PTPRM: variants seen among roughly 807,000 people sequenced by gnomAD.
The protein encoded by PTPRM is protein tyrosine phosphatase receptor type M, also known as receptor-type tyrosine-protein phosphatase mu.
PTPRM carries 47 observed loss-of-function variants against 186.7 expected under a neutral mutation model. That is an observed-to-expected ratio of 0.25 (90% confidence interval 0.20 to 0.32). PTPRM has a LOEUF of 0.32. PTPRM is among the 10% of genes least tolerant of loss of function. PTPRM has a pLI of 1.00. For synonymous variants in PTPRM, 668 were observed against 674.9 expected, an observed-to-expected ratio of 0.99 and a Z score of 0.16; for missense variants, 1,494 against 1,865.0, an observed-to-expected ratio of 0.80 and a Z score of 3.66.
intron 13 of PTPRM, among the ~76,000 whole-genome samples, chr18:8,136,150 C>T (rs2092632787): frequency 6.6e-6 from 1 of 152,194 alleles, no homozygotes; most frequent in South Asian, 2.1e-4. Flanking sequence ...CCATTCTGAA[C>T]TACATCACCT....
intron 31 of PTPRM, among the ~76,000 whole-genome samples, chr18:8,387,689 A>G (rs2095785622): frequency 6.6e-6 from 1 of 152,126 alleles, no homozygotes. Flanking sequence ...CCACCACATT[A>G]CTTGATTATT....
chr18:8,151,481 C>A (rs371145591), intron 14 of PTPRM, among the ~76,000 whole-genome samples: 11 of 135,740 alleles, frequency 8.1e-5, no homozygotes, highest in Admixed American at 3.6e-4. Context: ...ACCGCCCCCC[C>A]CCGCCCCCCA....
At chr18:7,749,761 A>G (rs1232068497) in intron 1 of PTPRM, among the ~76,000 whole-genome samples, 3 of 152,148 alleles carry the variant, frequency 2.0e-5, no homozygotes, top group Non-Finnish European at 4.4e-5. Flanking sequence ...GTGTAGATAT[A>G]TATTCTCAAT....
At chr18:7,874,273 T>C (rs927401633) in intron 2 of PTPRM, among the ~76,000 whole-genome samples, 1 of 152,182 alleles carries the variant, frequency 6.6e-6, no homozygotes, top group Non-Finnish European at 1.5e-5. Context: ...AATCTATTTT[T>C]TGACATTTTA....
chr18:7,609,988 G>T (rs192498033), intron 1 of PTPRM, among the ~76,000 whole-genome samples: 15 of 152,284 alleles, frequency 9.9e-5, no homozygotes, highest in Admixed American at 6.5e-4. Context: ...TTAGTAGTGG[G>T]AATTGGAAGG....
intron 20 of PTPRM, among the ~76,000 whole-genome samples, chr18:8,303,607 G>T (rs1047894925): frequency 1.2e-4 from 18 of 152,034 alleles, no homozygotes; most frequent in Admixed American, 9.2e-4. Context: ...GAAGGCATAG[G>T]GTAGAATAAA....
intron 1 of PTPRM, among the ~76,000 whole-genome samples, chr18:7,707,759 T>G (rs541438264): frequency 2.6e-5 from 4 of 152,318 alleles, no homozygotes; most frequent in African/African-American, 7.2e-5. Context: ...TAATACTTGA[T>G]GGGGAAGCCC....
rs575346231 is a variant in PTPRM at position 7,993,006 on chromosome 18, C to T, written c.1132+37592C>T. On this transcript the variant is annotated intron_variant, in intron 7 of 32. Transcript: ENST00000580170. ...TAATGAGCATCTGTTACCATCCTACCACCACACAATTAAAAAAACATTAAT... is the reference window on the plus strand; with the variant it reads ...TAATGAGCATCTGTTACCATCCTACTACCACACAATTAAAAAAACATTAAT... 5.3e-5 allele frequency among the ~76,000 whole-genome samples: 8 copies of T among 151,508 alleles called. No homozygotes were observed. In the East Asian group the frequency reaches 1.6e-3, roughly 30 times the overall value.
At chr18:8,122,099 T>C (rs946591369) in intron 13 of PTPRM, 2 of 152,408 alleles carry the variant, frequency 1.3e-5, no homozygotes, top group African/African-American at 4.8e-5. Flanking sequence ...TTTTTTTTTC[T>C]TTTTTTCCTT....
intron 7 of PTPRM, among the ~76,000 whole-genome samples, chr18:8,027,882 G>A (rs2085670200): frequency 6.6e-6 from 1 of 152,068 alleles, no homozygotes; most frequent in South Asian, 2.1e-4. Context: ...TCCATCTCTA[G>A]CCCCAGCCCC....
chr18:7,814,538 G>A (rs1305630039), intron 2 of PTPRM: 2 of 152,212 alleles, frequency 1.3e-5, no homozygotes, highest in South Asian at 2.1e-4. Context: ...TGGAAAACAG[G>A]TTCTGGGAAA....
At chr18:8,328,582 AAGTATTACCT>A (rs1183294219) in intron 22 of PTPRM, among the ~76,000 whole-genome samples, 1 of 152,236 alleles carries the variant, frequency 6.6e-6, no homozygotes. Context: ...ACTAATTTAA[AAGTATTACCT>A]AGTGAAGTGG....
chr18:8,032,650 T>TA (rs1378748351), intron 7 of PTPRM, among the ~76,000 whole-genome samples: 1 of 152,052 alleles, frequency 6.6e-6, no homozygotes, highest in Non-Finnish European at 1.5e-5. Flanking sequence ...GTGAAACTAA[T>TA]AAAAAATAAA....
chr18:8,087,772 TC>T (rs1568319903), intron 10 of PTPRM, among the ~76,000 whole-genome samples: 1 of 152,168 alleles, frequency 6.6e-6, no homozygotes, highest in African/African-American at 2.4e-5. Context: ...TATAAACAAA[TC>T]TTTTTGTATA....
chr18:7,795,572 A>T (rs1012572883), intron 2 of PTPRM, among the ~76,000 whole-genome samples: 1 of 152,008 alleles, frequency 6.6e-6, no homozygotes. Flanking sequence ...TATGATGGTC[A>T]GTTTACAGAG....
chr18:8,332,574 T>G (rs2148171910), intron 22 of PTPRM, among the ~76,000 whole-genome samples: 1 of 152,274 alleles, frequency 6.6e-6, no homozygotes, highest in South Asian at 2.1e-4. Flanking sequence ...CATCAACATG[T>G]GGGTTGTGTG....
At chr18:8,204,098 A>C (rs1421151526) in intron 14 of PTPRM, among the ~76,000 whole-genome samples, 1 of 152,178 alleles carries the variant, frequency 6.6e-6, no homozygotes, top group Non-Finnish European at 1.5e-5. Flanking sequence ...ACTTGATGTC[A>C]AAGGATCTAA....
intron 1 of PTPRM, among the ~76,000 whole-genome samples, chr18:7,772,864 A>G (rs970639302): frequency 6.6e-6 from 1 of 152,194 alleles, no homozygotes. Flanking sequence ...GTGGCAAACA[A>G]TTATAATTTT....
chr18:8,083,143 A>G (rs956472795), intron 9 of PTPRM, among the ~76,000 whole-genome samples: 1 of 152,156 alleles, frequency 6.6e-6, no homozygotes, highest in East Asian at 1.9e-4. Flanking sequence ...CCTCCCTACT[A>G]CTTCAATTGC....
Sources: gnomAD v4.1 joint callset for allele counts (sites outside exome capture counted in the v4.1 genomes callset) on GRCh38, gnomAD v4.1.1 for gene constraint, MANE v1.5 for transcripts, NCBI Gene and HGNC (gene_info 2026-07-23, HGNC 2026-07-21) for gene names.